Variants in CCDC3 observed in about 807,000 individuals in gnomAD.
CCDC3 encodes the protein coiled-coil domain containing 3.
A neutral mutation model predicts 21.4 loss-of-function variants in CCDC3; 24 were observed. The ratio of observed to expected loss-of-function variants is 1.12; its 90% CI spans 0.81 to 1.58. The LOEUF (loss-of-function observed/expected upper bound fraction) is 1.58. Among genes scored for constraint, CCDC3 ranks in the 40% most tolerant of loss-of-function variants. The pLI, the probability that CCDC3 is intolerant of heterozygous loss-of-function variation, is 0.00. For missense variants in CCDC3, 425 were observed against 360.9 expected (o/e 1.18, Z -1.44); for synonymous variants, 186 against 166.0 (o/e 1.12, Z -0.93).
At chr10:13,035,047 TA>T (rs879521468) in intron 5 of CCDC3, among the ~76,000 whole-genome samples, 2 of 139,258 alleles carry the variant, frequency 1.4e-5, no homozygotes, top group African/African-American at 2.6e-5. Flanking sequence ...AAAAAAAAAT[TA>T]AAAAAAAAAG....
intron 2 of CCDC3, among the ~76,000 whole-genome samples, chr10:12,973,496 G>T (rs550595032): frequency 6.6e-6 from 1 of 152,192 alleles, no homozygotes; most frequent in African/African-American, 2.4e-5. Flanking sequence ...GGTCCTTGCC[G>T]GTCTGTTCAG....
At chr10:13,071,133 G>A (rs559211303) in intron 4 of CCDC3, among the ~76,000 whole-genome samples, 14 of 152,124 alleles carry the variant, frequency 9.2e-5, no homozygotes, top group Non-Finnish European at 1.5e-4. Context: ...GACAAAGGGA[G>A]CTAACCAAAG....
chr10:12,933,774 A>G lies in CCDC3; in HGVS notation c.550-35095T>C, dbSNP rs1834690710. ...TGCCCGGCCATAATATTCTTTTATT[A>G]TCCTTTAAATGTCCATGGGATCTGT... On this transcript the variant is annotated intron_variant, in intron 2 of 2. Coordinates refer to ENST00000378825, the MANE Select transcript of CCDC3 (RefSeq NM_031455.4). Among the ~76,000 whole-genome samples the G allele has an allele frequency of 1.3e-5, 2 of 152,092 alleles. 1 individual carries two copies. Among genetic ancestry groups the G allele is most frequent in the South Asian group, 4.1e-4 (2 of 4,822 alleles).
chr10:12,970,887 C>CA (rs34307162), intron 2 of CCDC3, among the ~76,000 whole-genome samples: 233 of 134,576 alleles, frequency 1.7e-3, no homozygotes, highest in South Asian at 3.8e-3. Context: ...AAGACTGTCT[C>CA]AAAAAAAAAA....
intron 1 of CCDC3, among the ~76,000 whole-genome samples, chr10:13,000,577 A>G (rs1238579056): frequency 1.3e-5 from 2 of 152,212 alleles, no homozygotes; most frequent in East Asian, 3.9e-4. Flanking sequence ...GGCAGCTGAT[A>G]TGAGACAGTG....
intron 2 of CCDC3, among the ~76,000 whole-genome samples, chr10:12,940,963 TG>T (rs11356438): frequency 0.41 from 62,654 of 151,888 alleles, 13,632 homozygotes; most frequent in South Asian, 0.59. Context: ...TCTGTGGGTG[TG>T]GTCAGACATG....
At chr10:12,916,439 A>G (rs1834358701) in intron 2 of CCDC3, among the ~76,000 whole-genome samples, 1 of 151,488 alleles carries the variant, frequency 6.6e-6, no homozygotes, top group African/African-American at 2.4e-5. Context: ...AAAAAAAAAA[A>G]AAAAAAATTG....
chr10:12,939,434 G>A (rs759043392), intron 2 of CCDC3, among the ~76,000 whole-genome samples: 9 of 152,310 alleles, frequency 5.9e-5, no homozygotes, highest in Non-Finnish European at 8.8e-5. Flanking sequence ...ACCATCCTGG[G>A]CAACATGGTA....
chr10:12,968,466 C>CT (rs1835294189), intron 2 of CCDC3, among the ~76,000 whole-genome samples: 1 of 152,124 alleles, frequency 6.6e-6, no homozygotes, highest in Non-Finnish European at 1.5e-5. Flanking sequence ...ACCAACAGAC[C>CT]TGTCTTACAA....
intron 2 of CCDC3, among the ~76,000 whole-genome samples, chr10:12,901,191 T>C (rs896184360): frequency 5.9e-5 from 9 of 152,248 alleles, no homozygotes; most frequent in Non-Finnish European, 7.3e-5. Flanking sequence ...CCTCCGCCTG[T>C]TCTTGTTCTT....
chr10:12,964,269 G>C (rs11812989), intron 2 of CCDC3, among the ~76,000 whole-genome samples: 4,448 of 152,138 alleles, frequency 0.029, 217 homozygotes, highest in African/African-American at 0.1. Context: ...CTACTCAGGA[G>C]GCTGAGGCAG....
intron 3 of CCDC3, among the ~76,000 whole-genome samples, chr10:13,092,918 C>A (rs1031481840): frequency 6.6e-5 from 10 of 151,998 alleles, no homozygotes; most frequent in African/African-American, 2.4e-4. Flanking sequence ...AGGGTCAAGG[C>A]AACCTGGTGA....
At chr10:13,028,809 G>C (rs1045115327) in intron 5 of CCDC3, among the ~76,000 whole-genome samples, 2 of 152,176 alleles carry the variant, frequency 1.3e-5, no homozygotes, top group Non-Finnish European at 2.9e-5. Context: ...CTCTCTAATA[G>C]TCAAATCCAC....
chr10:13,097,255 G>A (rs1389437620), intron 3 of CCDC3, among the ~76,000 whole-genome samples: 1 of 152,188 alleles, frequency 6.6e-6, no homozygotes, highest in East Asian at 1.9e-4. Flanking sequence ...GAAGTGTGCA[G>A]GAAGATGGAG....
chr10:12,898,370 A>G lies in CCDC3; in HGVS notation c.*46T>C, dbSNP rs1310639900. The stretch of plus-strand genomic sequence containing the variant: ...ATGTACGAAACCTCACTCATTCTCA[A>G]TTACCGTCAGGATTGGCCCTGCACA... On this transcript the variant is annotated 3_prime_UTR_variant, in exon 3 of 3. Transcript: ENST00000378825. The G allele has an allele frequency of 2.0e-6, 3 of 1,528,876 alleles. No individual in the cohort carries two copies. Among genetic ancestry groups the G allele is most frequent in the Admixed American group, 4.3e-5 (2 of 46,058 alleles). The allele number at this position is 1,528,876 out of a possible 1,614,324, so 94.7% of individuals were successfully genotyped here.
intron 3 of CCDC3, among the ~76,000 whole-genome samples, chr10:13,082,231 G>C (rs1391415748): frequency 6.6e-6 from 1 of 152,196 alleles, no homozygotes; most frequent in Non-Finnish European, 1.5e-5. Context: ...AAGGGGGCAG[G>C]GTAAGGAGTG....
intron 2 of CCDC3, among the ~76,000 whole-genome samples, chr10:12,956,783 C>G (rs1835095977): frequency 6.6e-6 from 1 of 152,148 alleles, no homozygotes; most frequent in South Asian, 2.1e-4. Flanking sequence ...CCCACCACCA[C>G]AAACTCACAC....
chr10:12,898,682 G>A lies in CCDC3; in HGVS notation c.550-3C>T, dbSNP rs764905928. 3 of 1,613,900 alleles carry A rather than the reference G, an allele frequency of 1.9e-6. No homozygotes were observed. Among genetic ancestry groups the A allele is most frequent in the Non-Finnish European group, 2.5e-6 (3 of 1,179,808 alleles). ...TTCTGCACCGAGGAGCACATGAGCT[G>A]GAGGCAGAGACAGCGTGCAAGGAGA... On this transcript the variant is annotated splice_polypyrimidine_tract_variant and splice_region_variant and intron_variant, in intron 2 of 2. Coordinates refer to ENST00000378825, the MANE Select transcript of CCDC3 (RefSeq NM_031455.4).
rs1836486299 is a variant in CCDC3 at position 13,043,379 on chromosome 10, G to A, written c.-2+6295C>T. ...AGGCTGAGGTAGGTGGGTCATTTGA[G>A]GTCAGGAGTTTGAGACCAGCCTGAC... On this transcript the variant is annotated intron_variant, in intron 5 of 6. Transcript: ENST00000378839. Among the ~76,000 whole-genome samples the A allele has an allele frequency of 2.0e-5, 3 of 152,112 alleles. No homozygotes were observed. In the South Asian group the frequency reaches 6.2e-4, roughly 31 times the overall value.
Sources: allele counts gnomAD v4.1 joint callset (sites outside exome capture counted in the v4.1 genomes callset), GRCh38; gene constraint gnomAD v4.1.1; transcripts MANE v1.5; gene names NCBI Gene and HGNC (gene_info 2026-07-23, HGNC 2026-07-21).